The following ARHGEF3 variants were observed in gnomAD, a reference collection of about 807,000 sequenced individuals.
ARHGEF3 encodes the protein 59.8 kDA protein.
A neutral mutation model predicts 63.2 loss-of-function variants in ARHGEF3; 28 were observed. That is an observed-to-expected ratio of 0.44 (90% confidence interval 0.33 to 0.61). ARHGEF3 has a LOEUF of 0.61. Among genes scored for constraint, ARHGEF3 ranks in the 20% least tolerant of loss-of-function variants. The probability of loss-of-function intolerance (pLI) is 0.03; values close to 1 mark genes in which losing one functional copy is unlikely to be tolerated. For missense variants in ARHGEF3, 533 were observed against 659.3 expected, an observed-to-expected ratio of 0.81 and a Z score of 2.10; for synonymous variants, 266 against 254.2, an observed-to-expected ratio of 1.05 and a Z score of -0.44.
chr3:56,736,720 C>A (rs2033646888), intron 8 of ARHGEF3, among the ~76,000 whole-genome samples: 1 of 152,044 alleles, frequency 6.6e-6, no homozygotes, highest in African/African-American at 2.4e-5. Context: ...CTTAACATTA[C>A]AAAATATGAA....
intron 2 of ARHGEF3, among the ~76,000 whole-genome samples, chr3:56,769,995 T>A (rs962864952): frequency 3.3e-5 from 5 of 152,116 alleles, no homozygotes; most frequent in Non-Finnish European, 5.9e-5. Flanking sequence ...TTGTTCTCTG[T>A]TTCTCCCTTA....
At chr3:56,978,499 A>G (rs1701207175) in intron 2 of ARHGEF3, among the ~76,000 whole-genome samples, 1 of 152,256 alleles carries the variant, frequency 6.6e-6, no homozygotes, top group Non-Finnish European at 1.5e-5. Context: ...CAATCAATAA[A>G]CAAACAAAAA....
intron 6 of ARHGEF3, 149 bp downstream of exon 6, chr3:56,750,907 A>C (rs1029542348): frequency 2.0e-6 from 1 of 511,322 alleles, no homozygotes; most frequent in Non-Finnish European, 3.2e-6. Context: ...ACTTAAATTT[A>C]ATTAAAATTT....
intron 3 of ARHGEF3, among the ~76,000 whole-genome samples, chr3:56,930,390 G>C (rs1361816259): frequency 6.6e-6 from 1 of 152,082 alleles, no homozygotes; most frequent in Non-Finnish European, 1.5e-5. Flanking sequence ...AGACTTTTAA[G>C]GTTGGTTTCT....
Position 56,729,230 on chromosome 3 carries a change from G to A in ARHGEF3, c.*40C>T, listed in dbSNP as rs763253922. The A allele has an allele frequency of 1.3e-6, 2 of 1,552,828 alleles. No individual in the cohort carries two copies. Among genetic ancestry groups the A allele is most frequent in the Non-Finnish European group, 1.8e-6 (2 of 1,139,420 alleles). On this transcript the variant is annotated 3_prime_UTR_variant, in exon 10 of 10. Coordinates refer to ENST00000296315, the MANE Select transcript of ARHGEF3 (RefSeq NM_019555.3). ...TCTGTGGAATGCAAATACTGTACAG[G>A]TAAGATGCAGGCCTGCTTCCCGAAG... is the stretch of plus-strand genomic sequence containing the variant.
intron 4 of ARHGEF3, among the ~76,000 whole-genome samples, chr3:56,857,211 C>G (rs1184777071): frequency 2.6e-5 from 4 of 152,200 alleles, no homozygotes; most frequent in African/African-American, 9.7e-5. Context: ...CAAGCCACAT[C>G]TACAGTGGCC....
intron 6 of ARHGEF3, 110 bp from the exon 7 acceptor site, chr3:56,745,572 T>G (rs2034327592): frequency 7.8e-7 from 1 of 1,274,796 alleles, no homozygotes; most frequent in South Asian, 1.5e-5. Context: ...TCTCTGGGTC[T>G]GGCTGACATT....
At chr3:56,921,097 G>A (rs1424845441) in intron 3 of ARHGEF3, among the ~76,000 whole-genome samples, 6 of 149,860 alleles carry the variant, frequency 4.0e-5, no homozygotes, top group Non-Finnish European at 5.9e-5. Flanking sequence ...CAGTGCAGTG[G>A]CTCACACCTG....
intron 3 of ARHGEF3, among the ~76,000 whole-genome samples, chr3:56,929,884 T>C (rs2042365455): frequency 6.6e-6 from 1 of 152,162 alleles, no homozygotes; most frequent in Admixed American, 6.5e-5. Flanking sequence ...GTTTCCGGAA[T>C]AGCCCTAGAT....
intron 2 of ARHGEF3, among the ~76,000 whole-genome samples, chr3:56,972,217 G>A (rs1700944217): frequency 6.6e-6 from 1 of 152,110 alleles, no homozygotes; most frequent in Non-Finnish European, 1.5e-5. Flanking sequence ...TCAAGCCCAA[G>A]TCCATCAAAT....
At chr3:57,033,443 CAT>C (rs1193567163) in intron 2 of ARHGEF3, among the ~76,000 whole-genome samples, 2 of 149,314 alleles carry the variant, frequency 1.3e-5, no homozygotes, top group Admixed American at 6.7e-5. Flanking sequence ...TGTAGATTCA[CAT>C]ATGTCTTGAA....
At chr3:56,956,997 G>C (rs1358400215) in intron 3 of ARHGEF3, among the ~76,000 whole-genome samples, 2 of 152,192 alleles carry the variant, frequency 1.3e-5, no homozygotes, top group African/African-American at 4.8e-5. Context: ...AAGGCTCTGA[G>C]AAGCCCTGCA....
At chr3:56,855,665 A>G (rs1208966577) in intron 4 of ARHGEF3, among the ~76,000 whole-genome samples, 1 of 149,750 alleles carries the variant, frequency 6.7e-6, no homozygotes. Context: ...CCTGGGCAAG[A>G]GTGAGACTGT....
At chr3:57,031,173 G>A (rs1031219648) in intron 2 of ARHGEF3, among the ~76,000 whole-genome samples, 5 of 152,188 alleles carry the variant, frequency 3.3e-5, no homozygotes, top group Non-Finnish European at 5.9e-5. Context: ...ACAGTAATGA[G>A]GTAAACTGTG....
intron 1 of ARHGEF3, among the ~76,000 whole-genome samples, chr3:56,791,119 G>A (rs968371342): frequency 6.6e-5 from 10 of 152,142 alleles, no homozygotes; most frequent in East Asian, 5.8e-4. Context: ...AAGATATGTC[G>A]TGGCCAGAAG....
intron 3 of ARHGEF3, among the ~76,000 whole-genome samples, chr3:56,754,520 C>T (rs1318735903): frequency 6.6e-6 from 1 of 152,184 alleles, no homozygotes; most frequent in Non-Finnish European, 1.5e-5. Flanking sequence ...AGCACTTAAA[C>T]AAGCTCTTCT....
chr3:56,778,725 G>A (rs2036402933), intron 1 of ARHGEF3, among the ~76,000 whole-genome samples: 1 of 152,036 alleles, frequency 6.6e-6, no homozygotes, highest in African/African-American at 2.4e-5. Flanking sequence ...TTTAGAGAAG[G>A]GGTCTTGCCA....
chr3:56,755,381 G>A lies in ARHGEF3; in HGVS notation c.205-230C>T, dbSNP rs756433773. Among the ~76,000 whole-genome samples the A allele has an allele frequency of 2.0e-5, 3 of 152,178 alleles. 1 individual carries two copies. In the South Asian group the frequency reaches 6.2e-4, roughly 32 times the overall value. ...GGGAGTATCTGTTCTGTGTGACCTG[G>A]ATACCAAGTGGACTATAGTGCAAGC... On this transcript the variant is annotated intron_variant, in intron 2 of 9. Transcript: ENST00000296315.
chr3:56,968,228 ATATAT>A (rs1700722500), intron 2 of ARHGEF3, among the ~76,000 whole-genome samples: 1 of 43,378 alleles, frequency 2.3e-5, no homozygotes, highest in African/African-American at 7.9e-5. Flanking sequence ...TATATAATAT[ATATAT>A]AAATATATAT....
Sources: gnomAD v4.1 joint callset for allele counts (sites outside exome capture counted in the v4.1 genomes callset) on GRCh38, gnomAD v4.1.1 for gene constraint, MANE v1.5 for transcripts, NCBI Gene and HGNC (gene_info 2026-07-23, HGNC 2026-07-21) for gene names.